The following CRADD variants were observed in gnomAD, a reference collection of about 807,000 sequenced individuals.
CRADD encodes death domain-containing protein CRADD.
CRADD carries 9 observed loss-of-function variants against 15.5 expected under a neutral mutation model. The observed-to-expected ratio is 0.58, with a 90% CI of 0.35 to 1.01. The LOEUF (loss-of-function observed/expected upper bound fraction) is 1.01, where lower values mean the gene tolerates loss of function less well. Ranked by LOEUF, CRADD falls within the 50% of genes least tolerant of loss-of-function variation. The pLI is 0.02. For synonymous variants in CRADD, 118 were observed against 107.6 expected (o/e 1.10, Z -0.60); for missense variants, 227 against 250.3 (o/e 0.91, Z 0.63).
intron 2 of CRADD, among the ~76,000 whole-genome samples, chr12:93,722,335 A>G (rs1484514014): frequency 3.3e-5 from 5 of 152,050 alleles, no homozygotes; most frequent in African/African-American, 1.2e-4. Flanking sequence ...GTTGGCATTT[A>G]TGCTGCTTGG....
chr12:93,777,977 C>G (rs1957158211), intron 2 of CRADD, among the ~76,000 whole-genome samples: 1 of 152,172 alleles, frequency 6.6e-6, no homozygotes, highest in Non-Finnish European at 1.5e-5. Flanking sequence ...GGACAGAGGT[C>G]TCCATGGTTC....
At chr12:93,830,742 C>T (rs1957887147) in intron 2 of CRADD, among the ~76,000 whole-genome samples, 1 of 152,162 alleles carries the variant, frequency 6.6e-6, no homozygotes, top group African/African-American at 2.4e-5. Context: ...CCACAGTAAT[C>T]ATGAGACTAA....
At chr12:93,775,260 A>G (rs188067809) in intron 2 of CRADD, among the ~76,000 whole-genome samples, 13 of 152,332 alleles carry the variant, frequency 8.5e-5, no homozygotes, top group African/African-American at 2.6e-4. Context: ...TTTAGATCCA[A>G]TGTGCCCAGC....
intron 2 of CRADD, among the ~76,000 whole-genome samples, chr12:93,762,986 G>C (rs11107173): frequency 0.017 from 2,618 of 152,252 alleles, 48 homozygotes; most frequent in Non-Finnish European, 0.025. Flanking sequence ...TGGAGTATTG[G>C]TGGCTAAAAC....
intron 2 of CRADD, among the ~76,000 whole-genome samples, chr12:93,807,981 CAAA>C (rs368104878): frequency 3.4e-4 from 23 of 67,744 alleles, no homozygotes; most frequent in African/African-American, 4.1e-4. Flanking sequence ...AAGTGTTATG[CAAA>C]AAAAAAAAAA....
At chr12:93,763,062 T>C (rs1956986201) in intron 2 of CRADD, among the ~76,000 whole-genome samples, 1 of 152,254 alleles carries the variant, frequency 6.6e-6, no homozygotes, top group Admixed American at 6.5e-5. Flanking sequence ...TGCTATACTA[T>C]GCTAGAACTT....
intron 2 of CRADD, among the ~76,000 whole-genome samples, chr12:93,893,252 A>G (rs558139132): frequency 3.9e-5 from 6 of 152,328 alleles, no homozygotes; most frequent in African/African-American, 1.2e-4. Context: ...GTGTCTTTCT[A>G]TAGGGCTGTG....
chr12:93,738,113 C>A, intron 2 of CRADD: 1 of 573,824 alleles, frequency 1.7e-6, no homozygotes, highest in South Asian at 2.3e-5. Context: ...ATCACATGGC[C>A]CATTTTGCAA....
chr12:93,695,299 A>C (rs1955677181), intron 2 of CRADD, among the ~76,000 whole-genome samples: 1 of 152,242 alleles, frequency 6.6e-6, no homozygotes, highest in Non-Finnish European at 1.5e-5. Context: ...ACCATGTATA[A>C]AAATAAACTC....
At chr12:93,711,045 C>T (rs1211579983) in intron 2 of CRADD, among the ~76,000 whole-genome samples, 1 of 101,926 alleles carries the variant, frequency 9.8e-6, no homozygotes, top group Non-Finnish European at 2.0e-5. Flanking sequence ...CCCCACCCTC[C>T]CACCCCCGCC....
chr12:93,787,128 ATTTTTTTT>A (rs11315592), intron 2 of CRADD, among the ~76,000 whole-genome samples: 2 of 107,734 alleles, frequency 1.9e-5, no homozygotes, highest in East Asian at 5.6e-4. Context: ...TCTGCTGAAG[ATTTTTTTT>A]TTTTTTTTTT....
intron 2 of CRADD, among the ~76,000 whole-genome samples, chr12:93,861,341 GC>G (rs1183905798): frequency 6.6e-6 from 1 of 152,246 alleles, no homozygotes; most frequent in Non-Finnish European, 1.5e-5. Flanking sequence ...AGGAGCTGTT[GC>G]ACTGCTCTTG....
chr12:93,775,576 A>AG (rs11406954), intron 2 of CRADD, among the ~76,000 whole-genome samples: 71,000 of 151,828 alleles, frequency 0.47, 17,537 homozygotes, highest in East Asian at 0.88. Context: ...TTTTTGGAGA[A>AG]GGGGGATCGA....
chr12:93,833,055 A>G (rs1004908713), intron 2 of CRADD, among the ~76,000 whole-genome samples: 2 of 152,234 alleles, frequency 1.3e-5, no homozygotes, highest in Admixed American at 6.5e-5. Flanking sequence ...GGGCCACATT[A>G]TGACTTTCTT....
intron 2 of CRADD, among the ~76,000 whole-genome samples, chr12:93,713,219 G>C (rs2136867803): frequency 6.6e-6 from 1 of 152,174 alleles, no homozygotes; most frequent in South Asian, 2.1e-4. Context: ...CAGAAACTTG[G>C]CACCATGATA....
chr12:93,801,827 A>G (rs763133932), intron 2 of CRADD, among the ~76,000 whole-genome samples: 9 of 152,138 alleles, frequency 5.9e-5, no homozygotes, highest in African/African-American at 1.7e-4. Context: ...TGTATCCAGT[A>G]TGTTGTCTTT....
chr12:93,846,736 C>T (rs565947641), intron 2 of CRADD, among the ~76,000 whole-genome samples: 1 of 151,922 alleles, frequency 6.6e-6, no homozygotes, highest in South Asian at 2.1e-4. Flanking sequence ...GCATATGGAG[C>T]AAGAAAAGAA....
intron 2 of CRADD, among the ~76,000 whole-genome samples, chr12:93,756,021 G>A (rs1168877461): frequency 2.0e-5 from 3 of 152,082 alleles, no homozygotes; most frequent in Non-Finnish European, 2.9e-5. Context: ...AGTCATAAAT[G>A]TATACTTGTT....
intron 2 of CRADD, among the ~76,000 whole-genome samples, chr12:93,776,459 T>C (rs1957141229): frequency 6.6e-6 from 1 of 152,206 alleles, no homozygotes; most frequent in African/African-American, 2.4e-5. Context: ...GCAGTACCAT[T>C]TTCATTGTAT....
Sources: gnomAD v4.1 joint callset for allele counts (sites outside exome capture counted in the v4.1 genomes callset) on GRCh38, gnomAD v4.1.1 for gene constraint, MANE v1.5 for transcripts, NCBI Gene and HGNC (gene_info 2026-07-23, HGNC 2026-07-21) for gene names.